The following CSGALNACT1 variants were observed in gnomAD, a reference collection of about 807,000 sequenced individuals.
The protein encoded by CSGALNACT1 is chondroitin sulfate N-acetylgalactosaminyltransferase 1, also known as beta4GalNAcT-1.
In CSGALNACT1, 52 loss-of-function variants were observed where a neutral mutation model predicts 51.0. The ratio of observed to expected loss-of-function variants is 1.02; its 90% CI spans 0.82 to 1.29. The LOEUF (loss-of-function observed/expected upper bound fraction) is 1.29. Among genes scored for constraint, CSGALNACT1 ranks in the 50% most tolerant of loss-of-function variants. The pLI, the probability that CSGALNACT1 is intolerant of heterozygous loss-of-function variation, is 0.00. For synonymous variants in CSGALNACT1, 341 were observed against 254.4 expected (o/e 1.34, Z -3.24); for missense variants, 935 against 679.2 (o/e 1.38, Z -4.19).
At chr8:19,459,821 C>G (rs1449430022) in intron 4 of CSGALNACT1, among the ~76,000 whole-genome samples, 1 of 152,184 alleles carries the variant, frequency 6.6e-6, no homozygotes, top group Non-Finnish European at 1.5e-5. Context: ...ATCTTCACAA[C>G]TCCCCTTTCT....
intron 3 of CSGALNACT1, among the ~76,000 whole-genome samples, chr8:19,590,190 C>T (rs548981536): frequency 6.6e-6 from 1 of 152,172 alleles, no homozygotes; most frequent in African/African-American, 2.4e-5. Context: ...GTGGGCGACA[C>T]GACTGCAAAT....
In CSGALNACT1 at chr8:19,419,007, C is replaced by T. The variant is rs532427956; in HGVS notation, c.1133-257G>A. Among the ~76,000 whole-genome samples, 4 of 152,176 alleles carry T rather than the reference C, an allele frequency of 2.6e-5. No individual in the cohort carries two copies. The East Asian group carries it at 5.8e-4, about 22-fold the overall frequency. On this transcript the variant is annotated intron_variant, in intron 7 of 9. Coordinates refer to ENST00000454498, the Ensembl canonical transcript of CSGALNACT1. ...GATTACAGGTGCCCGCCACCACACC[C>T]GGCCAATTTTTTTATTTTAGTAGAG...
intron 1 of CSGALNACT1, among the ~76,000 whole-genome samples, chr8:19,734,576 T>G (rs190351787): frequency 6.4e-4 from 98 of 152,248 alleles, no homozygotes; most frequent in Admixed American, 1.9e-3. Context: ...ACAAATAAAC[T>G]CCACTAAATT....
intron 1 of CSGALNACT1, among the ~76,000 whole-genome samples, chr8:19,639,394 G>A (rs1008570673): frequency 3.3e-5 from 5 of 152,192 alleles, no homozygotes; most frequent in Admixed American, 1.3e-4. Context: ...ATTTTCCACA[G>A]AATGGTTTTT....
upstream of CSGALNACT1, among the ~76,000 whole-genome samples, chr8:19,606,992 A>G (rs539620806): frequency 1.3e-5 from 2 of 152,182 alleles, no homozygotes; most frequent in South Asian, 4.1e-4. Context: ...TGTCTGTACT[A>G]AAAATACAAA....
intron 1 of CSGALNACT1, among the ~76,000 whole-genome samples, chr8:19,628,792 A>AT (rs1272096322): frequency 6.6e-6 from 1 of 152,072 alleles, no homozygotes; most frequent in Non-Finnish European, 1.5e-5. Flanking sequence ...AATAAGCAAT[A>AT]TTTTTTAAGG....
At position 19,451,416 on chromosome 8, in the gene CSGALNACT1, AAC is replaced by A. The variant is rs547787230; in HGVS notation, c.851+7008_851+7009del. Among the ~76,000 whole-genome samples the A allele has an allele frequency of 1.1e-4, 17 of 152,342 alleles. No individual in the cohort carries two copies. The East Asian group carries it at 2.9e-3, about 26-fold the overall frequency. On this transcript the variant is annotated intron_variant, in intron 5 of 9. Coordinates refer to ENST00000454498, the Ensembl canonical transcript of CSGALNACT1. The stretch of plus-strand genomic sequence containing the variant: ...GTTTTATTAAACTTGTATTTTTTAA[AAC>A]ACAAATACTTTTTGAGAGTAGGTGA...
intron 1 of CSGALNACT1, among the ~76,000 whole-genome samples, chr8:19,713,543 G>C (rs1225666189): frequency 6.6e-6 from 1 of 152,186 alleles, no homozygotes; most frequent in Admixed American, 6.5e-5. Context: ...CCATACCGGA[G>C]CAAGTGGGCC....
At chr8:19,683,355 A>G (rs1308978765), upstream of CSGALNACT1, 3 of 152,200 alleles carry the variant, frequency 2.0e-5, no homozygotes, top group East Asian at 5.8e-4. Context: ...GATCTTGGTC[A>G]TGAGAAACCA....
intron 3 of CSGALNACT1, among the ~76,000 whole-genome samples, chr8:19,571,643 A>G (rs951209703): frequency 6.6e-6 from 1 of 152,236 alleles, no homozygotes; most frequent in Non-Finnish European, 1.5e-5. Context: ...AGTTACCAAT[A>G]TCTGAAAAAA....
At chr8:19,678,337 C>T (rs1214899210) in intron 1 of CSGALNACT1, among the ~76,000 whole-genome samples, 7 of 152,076 alleles carry the variant, frequency 4.6e-5, no homozygotes, top group Non-Finnish European at 1.0e-4. Flanking sequence ...GCAAAGTTTT[C>T]GGATTGGGAC....
intron 1 of CSGALNACT1, among the ~76,000 whole-genome samples, chr8:19,681,184 C>T (rs2154208791): frequency 6.6e-6 from 1 of 152,264 alleles, no homozygotes; most frequent in East Asian, 1.9e-4. Flanking sequence ...CTCCCACCTC[C>T]CTGCAGAGCC....
intron 1 of CSGALNACT1, among the ~76,000 whole-genome samples, chr8:19,660,303 C>T (rs1385716845): frequency 6.6e-6 from 1 of 152,208 alleles, no homozygotes; most frequent in Non-Finnish European, 1.5e-5. Flanking sequence ...ACCAGACAAA[C>T]TTGAGTTACA....
intron 3 of CSGALNACT1, among the ~76,000 whole-genome samples, chr8:19,550,840 AT>A (rs2087852731): frequency 6.6e-6 from 1 of 152,062 alleles, no homozygotes; most frequent in South Asian, 2.1e-4. Flanking sequence ...TTCCATACAG[AT>A]TTTCACAGAA....
At chr8:19,575,731 T>G (rs756188229) in intron 3 of CSGALNACT1, among the ~76,000 whole-genome samples, 1 of 152,144 alleles carries the variant, frequency 6.6e-6, no homozygotes, top group Non-Finnish European at 1.5e-5. Flanking sequence ...AGTATTTACG[T>G]GTGAAAGAGC....
intron 4 of CSGALNACT1, among the ~76,000 whole-genome samples, chr8:19,463,790 C>G (rs561551492): frequency 1.3e-5 from 2 of 152,198 alleles, no homozygotes; most frequent in African/African-American, 2.4e-5. Context: ...GGTGTAATTA[C>G]TCCTTGTGCA....
chr8:19,509,210 A>C (rs2077958121), intron 3 of CSGALNACT1, among the ~76,000 whole-genome samples: 1 of 152,174 alleles, frequency 6.6e-6, no homozygotes, highest in Non-Finnish European at 1.5e-5. Flanking sequence ...AACTGGTTAT[A>C]CTGAAGAGGC....
intron 1 of CSGALNACT1, among the ~76,000 whole-genome samples, chr8:19,721,544 C>T (rs1240103257): frequency 6.6e-6 from 1 of 152,142 alleles, no homozygotes; most frequent in Non-Finnish European, 1.5e-5. Context: ...GCACATGAGC[C>T]ATAGCTGGGG....
intron 3 of CSGALNACT1, among the ~76,000 whole-genome samples, chr8:19,585,661 G>A (rs1054344257): frequency 5.9e-5 from 9 of 152,144 alleles, no homozygotes; most frequent in African/African-American, 1.7e-4. Context: ...TTCCTGCCTG[G>A]CTTCTCACAG....
Sources: allele counts gnomAD v4.1 joint callset (sites outside exome capture counted in the v4.1 genomes callset), GRCh38; gene constraint gnomAD v4.1.1; transcripts MANE v1.5; gene names NCBI Gene and HGNC (gene_info 2026-07-23, HGNC 2026-07-21).